PRKAR1B: variants seen among roughly 807,000 people sequenced by gnomAD.
PRKAR1B encodes protein kinase cAMP-dependent type I regulatory subunit beta, also known as cAMP-dependent protein kinase type I-beta regulatory subunit.
Under a neutral mutation model 46.5 loss-of-function variants are expected in PRKAR1B, and 22 were observed. That is an observed-to-expected ratio of 0.47 (90% CI 0.34 to 0.68). The LOEUF (loss-of-function observed/expected upper bound fraction) is 0.68. PRKAR1B is among the 30% of genes least tolerant of loss of function. The pLI is 0.01. For missense variants in PRKAR1B, 445 were observed against 535.6 expected, an observed-to-expected ratio of 0.83 and a Z score of 1.67; for synonymous variants, 259 against 217.7, an observed-to-expected ratio of 1.19 and a Z score of -1.67.
chr7:556,927 C>T (rs962213820), intron 9 of PRKAR1B, among the ~76,000 whole-genome samples: 4 of 152,186 alleles, frequency 2.6e-5, no homozygotes, highest in Non-Finnish European at 5.9e-5. Flanking sequence ...GAAGAGTCCC[C>T]GTGCAAAGCT....
chr7:632,813 C>T (rs185872234), intron 4 of PRKAR1B, among the ~76,000 whole-genome samples: 129 of 151,606 alleles, frequency 8.5e-4, no homozygotes, highest in Non-Finnish European at 1.5e-3. Context: ...GGGCCACACC[C>T]GCAACAGGTC....
intron 1 of PRKAR1B, among the ~76,000 whole-genome samples, chr7:726,327 T>C (rs1444954135): frequency 6.6e-6 from 1 of 152,162 alleles, no homozygotes; most frequent in Non-Finnish European, 1.5e-5. Flanking sequence ...AGAGGGGCTC[T>C]AGGCGGCTCA....
At chr7:695,964 CTTT>C (rs766921714) in intron 2 of PRKAR1B, among the ~76,000 whole-genome samples, 11 of 102,146 alleles carry the variant, frequency 1.1e-4, no homozygotes, top group Non-Finnish European at 1.6e-4. Context: ...GCGCCCAACC[CTTT>C]TTTTTTTTTT....
intron 4 of PRKAR1B, among the ~76,000 whole-genome samples, chr7:672,026 G>A (rs899638567): frequency 3.9e-5 from 6 of 152,128 alleles, no homozygotes; most frequent in African/African-American, 9.7e-5. Flanking sequence ...CCTGCTCCCC[G>A]GAAGAGCCAG....
Position 584,577 on chromosome 7 carries a change from G to T in PRKAR1B, c.709-9C>A. The T allele has an allele frequency of 6.2e-7, 1 of 1,612,224 alleles. No homozygotes were observed. The highest frequency in any genetic ancestry group is 1.3e-5 in the African/African-American group (1 of 74,824). On this transcript the variant is annotated splice_polypyrimidine_tract_variant and intron_variant, in intron 7 of 10. Transcript: ENST00000537384. Reference sequence around the variant, plus strand: ...TTCCTCAGCGTGCTGCCCTGTTCGGGAGAAAGTAAAAAACAGACAAGAAGG... The same window carrying T: ...TTCCTCAGCGTGCTGCCCTGTTCGGTAGAAAGTAAAAAACAGACAAGAAGG...
intron 8 of PRKAR1B, among the ~76,000 whole-genome samples, chr7:583,594 G>A (rs1278535853): frequency 1.7e-5 from 1 of 60,524 alleles, no homozygotes. Context: ...ACACTCCCAG[G>A]TGCACACACA....
intron 1 of PRKAR1B, among the ~76,000 whole-genome samples, chr7:718,364 CTTT>C (rs149912001): frequency 7.2e-6 from 1 of 138,744 alleles, no homozygotes. Context: ...CTGCTTCAGC[CTTT>C]TTTTTTTTTT....
chr7:611,062 C>T (rs920653405), intron 4 of PRKAR1B, among the ~76,000 whole-genome samples: 11 of 152,230 alleles, frequency 7.2e-5, no homozygotes, highest in African/African-American at 2.7e-4. Context: ...CCTCACCCGC[C>T]CCTATGAGGT....
chr7:703,906 CAG>C (rs1479078114), intron 2 of PRKAR1B, among the ~76,000 whole-genome samples: 3 of 151,980 alleles, frequency 2.0e-5, no homozygotes, highest in Admixed American at 1.3e-4. Context: ...AAATAAATAA[CAG>C]AGAGATATCA....
At chr7:660,941 G>A (rs1213191158) in intron 4 of PRKAR1B, among the ~76,000 whole-genome samples, 6 of 112,402 alleles carry the variant, frequency 5.3e-5, no homozygotes, top group African/African-American at 1.8e-4. Context: ...AACCCAACGG[G>A]TCCAAATACT....
intron 4 of PRKAR1B, among the ~76,000 whole-genome samples, chr7:627,024 G>A (rs746915820): frequency 3.9e-5 from 6 of 152,146 alleles, no homozygotes; most frequent in Non-Finnish European, 7.3e-5. Context: ...ACAGGCACCC[G>A]CCACCACGCC....
At position 599,361 on chromosome 7, in the gene PRKAR1B, G is replaced by A. The variant is rs140510129; in HGVS notation, c.550-3057C>T. On this transcript the variant is annotated intron_variant, in intron 6 of 10. Transcript: ENST00000537384. ...TCCTCAGGCTGGAGTGCAATGGTGCGATCTCGGCTCACCGCAACCTCTGCC... is the reference window on the plus strand; with the variant it reads ...TCCTCAGGCTGGAGTGCAATGGTGCAATCTCGGCTCACCGCAACCTCTGCC... Among the ~76,000 whole-genome samples, 450 of 151,672 alleles carry A rather than the reference G, an allele frequency of 3.0e-3. 3 individuals carry two copies. Among genetic ancestry groups the A allele is most frequent in the African/African-American group, 9.9e-3 (409 of 41,346 alleles).
chr7:727,603 T>G, upstream of PRKAR1B: 1 of 173,802 alleles, frequency 5.8e-6, no homozygotes, highest in Non-Finnish European at 1.2e-5. Context: ...TTTCCTGCGC[T>G]GCCACGTGCT....
Position 711,514 on chromosome 7 carries a change from T to C in PRKAR1B, c.-9A>G, listed in dbSNP as rs763598294. ...GCGGGCGGGGAGGCCATGGCGAGGG[T>C]GGCTGCTTCCTTCCTGTCCAGAAAA... is the stretch of plus-strand genomic sequence containing the variant. On this transcript the variant is annotated 5_prime_UTR_variant, in exon 2 of 11. Coordinates refer to ENST00000537384, the MANE Select transcript of PRKAR1B (RefSeq NM_001164760.2). 1 of 1,611,580 alleles carries C rather than the reference T, an allele frequency of 6.2e-7. No homozygotes were observed. The highest frequency in any genetic ancestry group is 8.5e-7 in the Non-Finnish European group (1 of 1,179,048).
chr7:551,304 G>A, intron 10 of PRKAR1B, 85 bp downstream of exon 10: 3 of 1,322,066 alleles, frequency 2.3e-6, no homozygotes, highest in African/African-American at 1.5e-5. Flanking sequence ...AAGCCCCCCA[G>A]CAGCTCCTCA....
chr7:596,370 C>G, intron 6 of PRKAR1B, 66 bp from the exon 7 acceptor site: 1 of 1,543,244 alleles, frequency 6.5e-7, no homozygotes, highest in Non-Finnish European at 8.8e-7. Context: ...GCATCCCATA[C>G]AGAAAGTCCC....
At chr7:673,057 A>AAAC (rs1554301082) in intron 4 of PRKAR1B, among the ~76,000 whole-genome samples, 1 of 130,970 alleles carries the variant, frequency 7.6e-6, no homozygotes, top group Non-Finnish European at 1.6e-5. Flanking sequence ...AAAAAAAAAA[A>AAAC]AAAAAAAAAA....
chr7:610,612 C>T (rs1484107171), intron 4 of PRKAR1B, among the ~76,000 whole-genome samples: 4 of 152,204 alleles, frequency 2.6e-5, no homozygotes, highest in South Asian at 2.1e-4. Flanking sequence ...TGAACACAAA[C>T]GTCTCCAGGC....
At chr7:727,357 C>G, upstream of PRKAR1B, 5 of 1,117,100 alleles carry the variant, frequency 4.5e-6, no homozygotes, top group Non-Finnish European at 5.6e-6. Flanking sequence ...ACCCCACACT[C>G]TCACCCCCAC....
Sources: allele counts gnomAD v4.1 joint callset (sites outside exome capture counted in the v4.1 genomes callset), GRCh38; gene constraint gnomAD v4.1.1; transcripts MANE v1.5; gene names NCBI Gene and HGNC (gene_info 2026-07-23, HGNC 2026-07-21).